TM9SF2: variants seen among roughly 807,000 people sequenced by gnomAD.
The protein encoded by TM9SF2 is transmembrane 9 superfamily member 2.
In TM9SF2, 13 loss-of-function variants were observed where a neutral mutation model predicts 84.9. That is an observed-to-expected ratio of 0.15 (90% CI 0.10 to 0.24). TM9SF2 has a LOEUF of 0.24. TM9SF2 is among the 10% of genes least tolerant of loss of function. TM9SF2 has a pLI of 1.00. For missense variants in TM9SF2, 562 were observed against 818.5 expected (o/e 0.69, Z 3.82); for synonymous variants, 273 against 285.8 (o/e 0.96, Z 0.45).
At chr13:99,537,268 TG>T (rs1344352591) in intron 5 of TM9SF2, among the ~76,000 whole-genome samples, 2 of 152,198 alleles carry the variant, frequency 1.3e-5, no homozygotes, top group African/African-American at 4.8e-5. Context: ...TTAATGGATC[TG>T]ATTCAGTGGA....
chr13:99,548,268 T>C (rs1198860715), intron 11 of TM9SF2, among the ~76,000 whole-genome samples: 2 of 152,206 alleles, frequency 1.3e-5, no homozygotes, highest in African/African-American at 4.8e-5. Context: ...GCAGATCCTG[T>C]ATTACTTGAA....
intron 4 of TM9SF2, among the ~76,000 whole-genome samples, chr13:99,533,690 G>A (rs1054772076): frequency 3.3e-5 from 5 of 151,952 alleles, no homozygotes; most frequent in Admixed American, 6.5e-5. Flanking sequence ...ACAGAGTCTC[G>A]CTCTGTCTCC....
At chr13:99,551,089 C>G (rs532883334) in intron 12 of TM9SF2, among the ~76,000 whole-genome samples, 2 of 152,294 alleles carry the variant, frequency 1.3e-5, no homozygotes, top group African/African-American at 4.8e-5. Context: ...CACCATTAAC[C>G]AGTTAAATGT....
chr13:99,562,200 A>T (rs1566575796), intron 16 of TM9SF2, among the ~76,000 whole-genome samples: 1 of 152,170 alleles, frequency 6.6e-6, no homozygotes, highest in Non-Finnish European at 1.5e-5. Context: ...CTATCTAATC[A>T]TGTCACTTTT....
chr13:99,540,626 G>T, intron 7 of TM9SF2, 88 bp from the exon 8 acceptor site: 1 of 1,044,956 alleles, frequency 9.6e-7, no homozygotes, highest in South Asian at 1.5e-5. Context: ...TGACTCAATG[G>T]AAGGACAAGC....
At chr13:99,519,934 C>G (rs1333767926) in intron 2 of TM9SF2, 102 bp from the exon 3 acceptor site, 1 of 914,944 alleles carries the variant, frequency 1.1e-6, no homozygotes, top group East Asian at 2.6e-5. Flanking sequence ...TCTACTAGAG[C>G]TGCTACAATG....
intron 4 of TM9SF2, among the ~76,000 whole-genome samples, chr13:99,533,407 A>G (rs1240674803): frequency 6.6e-6 from 1 of 152,176 alleles, no homozygotes; most frequent in Admixed American, 6.5e-5. Context: ...AAATAATGCA[A>G]CTAAAATATT....
Position 99,501,477 on chromosome 13 carries a change from A to T in TM9SF2, c.-130A>T, listed in dbSNP as rs373656399. ...CGGGACCCGGGGTGTCTCCTAGCGCAACCGGAACTAGCCTTCTGGGGGCCG... is the reference window on the plus strand; with the variant it reads ...CGGGACCCGGGGTGTCTCCTAGCGCTACCGGAACTAGCCTTCTGGGGGCCG... On this transcript the variant is annotated 5_prime_UTR_variant, in exon 1 of 17. Transcript: ENST00000376387. 4 of 1,233,116 alleles carry T rather than the reference A, an allele frequency of 3.2e-6. No homozygotes were observed. The African/African-American group carries it at 6.1e-5, about 19-fold the overall frequency. The allele number at this position is 1,233,116 out of a possible 1,614,324, so 76.4% of individuals were successfully genotyped here.
chr13:99,527,573 A>G (rs1235663840), intron 3 of TM9SF2, among the ~76,000 whole-genome samples: 2 of 152,202 alleles, frequency 1.3e-5, no homozygotes, highest in East Asian at 3.9e-4. Flanking sequence ...TACAATTCAG[A>G]TCACAATTGG....
At chr13:99,505,085 AC>A (rs1270856251) in intron 1 of TM9SF2, among the ~76,000 whole-genome samples, 4 of 151,270 alleles carry the variant, frequency 2.6e-5, no homozygotes, top group Non-Finnish European at 5.9e-5. Context: ...ACTAAATAAT[AC>A]CTTGTGTTGC....
chr13:99,539,672 T>A, intron 7 of TM9SF2, 115 bp downstream of exon 7: 1 of 707,662 alleles, frequency 1.4e-6, no homozygotes, highest in East Asian at 2.7e-5. Context: ...ATTAATGAGC[T>A]GATTTTTAGG....
intron 3 of TM9SF2, among the ~76,000 whole-genome samples, chr13:99,524,293 G>A (rs1594050035): frequency 6.6e-6 from 1 of 152,126 alleles, no homozygotes. Context: ...GACTTGGGAA[G>A]GGTGAGGGGG....
chr13:99,532,161 C>T (rs527556646), intron 4 of TM9SF2, among the ~76,000 whole-genome samples: 8 of 151,914 alleles, frequency 5.3e-5, no homozygotes, highest in African/African-American at 7.2e-5. Flanking sequence ...ACGCCATTCT[C>T]CTGCCTCAGC....
chr13:99,515,307 T>A (rs1247007131), intron 1 of TM9SF2, among the ~76,000 whole-genome samples: 1 of 152,264 alleles, frequency 6.6e-6, no homozygotes, highest in African/African-American at 2.4e-5. Context: ...ATAGCAGTGT[T>A]GACCCTTTCT....
intron 1 of TM9SF2, among the ~76,000 whole-genome samples, chr13:99,510,120 G>A (rs1050357601): frequency 6.6e-6 from 1 of 152,196 alleles, no homozygotes; most frequent in Non-Finnish European, 1.5e-5. Context: ...TTGCTGAGAC[G>A]TAACACGTGT....
Position 99,564,047 on chromosome 13 carries a change from T to G in TM9SF2, c.*1289T>G, listed in dbSNP as rs2046355009. 6.8e-6 allele frequency: 1 copy of G among 148,142 alleles called. No individual in the cohort carries two copies. The highest frequency in any genetic ancestry group is 6.8e-5 in the Admixed American group (1 of 14,642). The allele number at this position is 148,142 out of a possible 1,614,324, so 9.2% of individuals were successfully genotyped here. On this transcript the variant is annotated 3_prime_UTR_variant, in exon 17 of 17. Coordinates refer to ENST00000376387, the MANE Select transcript of TM9SF2 (RefSeq NM_004800.3). ...ATGATATTGCTGGGTTCTTACTGAATAATTTTTTTTTTTTTTTGAGACAGA... is the reference window on the plus strand; with the variant it reads ...ATGATATTGCTGGGTTCTTACTGAAGAATTTTTTTTTTTTTTTGAGACAGA...
rs747615814 is a variant in TM9SF2 at position 99,559,445 on chromosome 13, T to C, written c.1835T>C (p.Phe612Ser). ...YFLIYAVHYF[F>S]SKLQITGTAS... ...TTAATCTATGCAGTACACTACTTCT[T>C]TTCAAAACTGCAGATCACGGGAACA... The change falls in exon 16 of 17, where the codon TTT (phenylalanine) becomes TCT (serine). Residue 612 changes from phenylalanine (F) to serine (S), a missense_variant. Physicochemically the swap from Phe to Ser is radical, Grantham distance 155. This residue lies in a region of TM9SF2 where 63 missense variants were observed against 109.2 expected (regional missense o/e 0.58). Transcript: ENST00000376387. 6.2e-7 allele frequency: 1 copy of C among 1,614,156 alleles called. No homozygotes were observed. The highest frequency in any genetic ancestry group is 1.1e-5 in the South Asian group (1 of 91,080).
At position 99,531,008 on chromosome 13, in the gene TM9SF2, C is replaced by A. The variant is rs190898939; in HGVS notation, c.461+1414C>A. ...CCTGAGTAGCTGGGATTACATGTGC[C>A]CGCCACCACACCTGGCTAATTTTTA... On this transcript the variant is annotated intron_variant, in intron 4 of 16. Transcript: ENST00000376387. Among the ~76,000 whole-genome samples the A allele has an allele frequency of 8.0e-3, 1,209 of 151,924 alleles. 9 individuals carry two copies. Among genetic ancestry groups the A allele is most frequent in the Non-Finnish European group, 0.013 (883 of 67,944 alleles).
At chr13:99,551,358 A>G (rs1306766914) in intron 12 of TM9SF2, among the ~76,000 whole-genome samples, 1 of 152,278 alleles carries the variant, frequency 6.6e-6, no homozygotes, top group African/African-American at 2.4e-5. Context: ...ATGTGGCACC[A>G]TGAGCCAGAG....
Sources: gnomAD v4.1 joint callset for allele counts (sites outside exome capture counted in the v4.1 genomes callset) on GRCh38, gnomAD v4.1.1 for gene constraint, gnomAD v4.1.1 regional missense constraint, MANE v1.5 for transcripts, NCBI Gene and HGNC (gene_info 2026-07-23, HGNC 2026-07-21) for gene names.